Variants in TMEFF2 observed in about 807,000 individuals in gnomAD.
TMEFF2 encodes transmembrane protein with EGF like and two follistatin like domains 2.
Under a neutral mutation model 53.8 loss-of-function variants are expected in TMEFF2, and 28 were observed. That is an observed-to-expected ratio of 0.52 (90% CI 0.39 to 0.71). The LOEUF is 0.71. TMEFF2 is among the 30% of genes least tolerant of loss of function. The pLI, the probability that TMEFF2 is intolerant of heterozygous loss-of-function variation, is 0.00. For synonymous variants in TMEFF2, 162 were observed against 166.3 expected, an observed-to-expected ratio of 0.97 and a Z score of 0.20; for missense variants, 353 against 455.2, an observed-to-expected ratio of 0.78 and a Z score of 2.04.
At chr2:191,991,249 T>C (rs951026034) in intron 7 of TMEFF2, among the ~76,000 whole-genome samples, 15 of 152,022 alleles carry the variant, frequency 9.9e-5, no homozygotes, top group Admixed American at 9.2e-4. Context: ...ATGACTTGGG[T>C]AGGAAAAATA....
At chr2:192,137,524 G>C (rs553141964) in intron 4 of TMEFF2, among the ~76,000 whole-genome samples, 1 of 152,180 alleles carries the variant, frequency 6.6e-6, no homozygotes, top group East Asian at 1.9e-4. Flanking sequence ...CATCATTAGG[G>C]CTGTATTTTA....
At chr2:192,087,242 C>A (rs1322483035) in intron 4 of TMEFF2, among the ~76,000 whole-genome samples, 1 of 152,066 alleles carries the variant, frequency 6.6e-6, no homozygotes, top group East Asian at 1.9e-4. Flanking sequence ...TAATCCCCAA[C>A]CATGATGGCT....
intron 7 of TMEFF2, chr2:191,992,525 C>T (rs963237486): frequency 3.3e-5 from 5 of 152,034 alleles, no homozygotes; most frequent in Admixed American, 6.6e-5. Flanking sequence ...AGCCACTTAG[C>T]TTCTTTGAGA....
At chr2:192,054,100 C>T (rs1174845572) in intron 5 of TMEFF2, among the ~76,000 whole-genome samples, 9 of 151,882 alleles carry the variant, frequency 5.9e-5, no homozygotes, top group Admixed American at 2.6e-4. Context: ...TCTTCACAGC[C>T]GTGGCCACTT....
chr2:192,083,906 T>A (rs1688609479), intron 4 of TMEFF2, among the ~76,000 whole-genome samples: 1 of 152,032 alleles, frequency 6.6e-6, no homozygotes, highest in South Asian at 2.1e-4. Flanking sequence ...GAAAAGGGAA[T>A]TGAAATTCAT....
chr2:192,074,854 A>G (rs554034211), intron 4 of TMEFF2, among the ~76,000 whole-genome samples: 2 of 151,968 alleles, frequency 1.3e-5, no homozygotes, highest in Non-Finnish European at 2.9e-5. Flanking sequence ...CAAATTTTAT[A>G]AAATAAGAGA....
intron 4 of TMEFF2, among the ~76,000 whole-genome samples, chr2:192,073,506 T>G (rs185470215): frequency 6.6e-6 from 1 of 151,998 alleles, no homozygotes; most frequent in African/African-American, 2.4e-5. Context: ...AGCCCAACAT[T>G]AGATTATAAA....
chr2:191,965,725 C>T (rs1256158501), intron 7 of TMEFF2, among the ~76,000 whole-genome samples: 2 of 152,134 alleles, frequency 1.3e-5, no homozygotes, highest in Non-Finnish European at 1.5e-5. Context: ...ATGCTATTCC[C>T]TTTGCCTGGA....
intron 4 of TMEFF2, among the ~76,000 whole-genome samples, chr2:192,145,066 A>G (rs960881785): frequency 1.4e-4 from 21 of 152,076 alleles, no homozygotes; most frequent in African/African-American, 4.6e-4. Context: ...TAACAGAAAA[A>G]CAAAATTTTC....
At chr2:192,190,946 T>C (rs1209813373) in intron 2 of TMEFF2, among the ~76,000 whole-genome samples, 2 of 152,140 alleles carry the variant, frequency 1.3e-5, no homozygotes, top group Non-Finnish European at 1.5e-5. Flanking sequence ...GTTTTGTTTA[T>C]GTGCATATTT....
rs570366733 is a variant in TMEFF2, at chr2:192,050,515, G to T, written c.536+7164C>A. 4.0e-5 allele frequency among the ~76,000 whole-genome samples: 6 copies of T among 151,732 alleles called. No homozygotes were observed. The South Asian group carries it at 1.2e-3, about 32-fold the overall frequency. On this transcript the variant is annotated intron_variant, in intron 5 of 9. Transcript: ENST00000272771. ...CTGGAGGGGTGGTTAGTTGTTGTTG[G>T]TGGTTGTTATTATTTGACTATTGCA...
At chr2:192,081,800 C>CTTTTTT (rs900552541) in intron 4 of TMEFF2, among the ~76,000 whole-genome samples, 3 of 130,370 alleles carry the variant, frequency 2.3e-5, no homozygotes, top group Admixed American at 7.9e-5. Context: ...AACGATTTCC[C>CTTTTTT]TTTTTTTTTT....
At chr2:192,074,785 T>C (rs1219964294) in intron 4 of TMEFF2, among the ~76,000 whole-genome samples, 3 of 151,934 alleles carry the variant, frequency 2.0e-5, no homozygotes, top group African/African-American at 4.8e-5. Context: ...ATACATTATA[T>C]AATAGCATCC....
At chr2:192,193,841 G>A (rs1691534123) in intron 1 of TMEFF2, among the ~76,000 whole-genome samples, 1 of 151,478 alleles carries the variant, frequency 6.6e-6, no homozygotes, top group South Asian at 2.1e-4. Flanking sequence ...TCTAGAATCT[G>A]TGTGACCTGG....
At chr2:192,186,637 C>A (rs1366262792) in intron 2 of TMEFF2, among the ~76,000 whole-genome samples, 1 of 152,148 alleles carries the variant, frequency 6.6e-6, no homozygotes, top group African/African-American at 2.4e-5. Flanking sequence ...GTGTCTATGG[C>A]TAGCTGGACT....
intron 5 of TMEFF2, among the ~76,000 whole-genome samples, chr2:192,043,328 AC>A (rs1248804826): frequency 6.6e-6 from 1 of 152,160 alleles, no homozygotes; most frequent in Admixed American, 6.5e-5. Context: ...TGGACACAGA[AC>A]CCTTTGCATA....
At chr2:192,106,140 CA>C (rs1689139390) in intron 4 of TMEFF2, among the ~76,000 whole-genome samples, 1 of 150,748 alleles carries the variant, frequency 6.6e-6, no homozygotes, top group African/African-American at 2.4e-5. Flanking sequence ...TTGAAATGTC[CA>C]AAAATAGAAA....
chr2:192,026,010 A>C (rs532752727), intron 5 of TMEFF2, among the ~76,000 whole-genome samples: 19 of 152,342 alleles, frequency 1.2e-4, no homozygotes, highest in African/African-American at 4.6e-4. Context: ...ATTTATTGCT[A>C]ACATGCTGGG....
chr2:191,974,488 GC>G (rs1297833020), intron 7 of TMEFF2, among the ~76,000 whole-genome samples: 1 of 151,866 alleles, frequency 6.6e-6, no homozygotes, highest in African/African-American at 2.4e-5. Flanking sequence ...TGCTATAAAA[GC>G]AATTCACATT....
Sources: gnomAD v4.1 joint callset for allele counts (sites outside exome capture counted in the v4.1 genomes callset) on GRCh38, gnomAD v4.1.1 for gene constraint, MANE v1.5 for transcripts, NCBI Gene and HGNC (gene_info 2026-07-23, HGNC 2026-07-21) for gene names.